The following NFASC variants were observed in gnomAD, a reference collection of about 807,000 sequenced individuals.
NFASC encodes the protein neurofascin, also known as neurofascin homolog.
Under a neutral mutation model 147.5 loss-of-function variants are expected in NFASC, and 43 were observed. That is an observed-to-expected ratio of 0.29 (90% CI 0.23 to 0.38). The LOEUF is 0.38. Ranked by LOEUF, NFASC falls within the 10% of genes least tolerant of loss-of-function variation. The pLI, the probability that NFASC is intolerant of heterozygous loss-of-function variation, is 1.00. For missense variants in NFASC, 1,320 were observed against 1,689.0 expected, an observed-to-expected ratio of 0.78 and a Z score of 3.83; for synonymous variants, 622 against 665.5, an observed-to-expected ratio of 0.93 and a Z score of 1.01.
Position 204,951,641 on chromosome 1 carries a change from T to G in NFASC, c.110-370T>G, listed in dbSNP as rs181487296. On this transcript the variant is annotated intron_variant, in intron 4 of 29. Coordinates refer to ENST00000339876, the MANE Select transcript of NFASC (RefSeq NM_001005388.3). The stretch of plus-strand genomic sequence containing the variant: ...CCTCCACCACGCCCGGCTAATTTTT[T>G]GTATTTTTTAGTAGAGACGGGGTTT... 3.0e-3 allele frequency among the ~76,000 whole-genome samples: 455 copies of G among 152,040 alleles called. 1 individual carries two copies. Among genetic ancestry groups the G allele is most frequent in the African/African-American group, 0.01 (429 of 41,484 alleles).
chr1:204,944,449 G>C (rs567100091), intron 3 of NFASC, 43 bp downstream of exon 3: 1 of 1,366,996 alleles, frequency 7.3e-7, no homozygotes, highest in Admixed American at 2.3e-5. Flanking sequence ...TCCTGATTTT[G>C]GGCAGAGGGG....
chr1:204,987,563 T>G lies in NFASC; in HGVS notation c.2593+23T>G. ...CCTGTACGTTCTGCCCTTCCCTTTC[T>G]CTTAGATAATCTGGGAACCAGAAAC... On this transcript the variant is annotated intron_variant, in intron 22 of 29. Transcript: ENST00000339876. The surrounding 1 kb of genome is among the most constrained non-coding windows in gnomAD (Gnocchi z 4.4). 6.2e-7 allele frequency: 1 copy of G among 1,613,252 alleles called. No homozygotes were observed. Among genetic ancestry groups the G allele is most frequent in the South Asian group, 1.1e-5 (1 of 90,998 alleles).
chr1:204,937,442 C>T (rs922053608), intron 2 of NFASC, among the ~76,000 whole-genome samples: 2 of 152,212 alleles, frequency 1.3e-5, no homozygotes, highest in African/African-American at 4.8e-5. Context: ...AAACACCCTC[C>T]TCTGTGCTCT....
chr1:204,973,508 C>T, intron 12 of NFASC, 89 bp downstream of exon 12: 2 of 1,499,060 alleles, frequency 1.3e-6, no homozygotes, highest in Non-Finnish European at 1.8e-6. Flanking sequence ...GGCACACTTT[C>T]TTCTCCGGGG....
chr1:204,881,220 T>G (rs961032376), intron 1 of NFASC, among the ~76,000 whole-genome samples: 3 of 152,152 alleles, frequency 2.0e-5, no homozygotes, highest in Non-Finnish European at 4.4e-5. Flanking sequence ...GACCCCAGGT[T>G]GACCAGCAGA....
At chr1:204,841,063 C>T (rs980393373) in intron 1 of NFASC, among the ~76,000 whole-genome samples, 2 of 152,220 alleles carry the variant, frequency 1.3e-5, no homozygotes, top group Non-Finnish European at 2.9e-5. Flanking sequence ...CTCTGACTCA[C>T]GTCCTAACGA....
chr1:204,962,240 A>G (rs1405584839), intron 8 of NFASC: 1 of 1,205,242 alleles, frequency 8.3e-7, no homozygotes, highest in Non-Finnish European at 1.2e-6. Flanking sequence ...CACGTCATTA[A>G]CTCCTGCTGG....
At chr1:204,998,674 C>G (rs1176004321) in intron 25 of NFASC, 1 of 152,164 alleles carries the variant, frequency 6.6e-6, no homozygotes, top group African/African-American at 2.4e-5. Context: ...TAGAAGCTGC[C>G]ACCAGCGGGT....
rs781224847 is a variant in NFASC, at chr1:204,988,708, C to T, written c.2669C>T (p.Thr890Met). 7.4e-6 allele frequency: 12 copies of T among 1,614,042 alleles called. No individual in the cohort carries two copies. Among genetic ancestry groups the T allele is most frequent in the African/African-American group, 4.0e-5 (3 of 74,932 alleles). ...CAGACCAAGTTCACGGTGCAAAGAA[C>T]GGACCCCGTGTCACGCTACCGCTTT... ...PNQTKFTVQR[T>M]DPVSRYRFTL... The change falls in exon 23 of 30, where the codon ACG becomes ATG. Residue 890 changes from threonine (T) to methionine (M), a missense_variant. By Grantham distance (81) the Thr-to-Met change is moderately conservative. This residue lies in a region of NFASC where 981 missense variants were observed against 1,289.5 expected (regional missense o/e 0.76). Coordinates refer to ENST00000339876, the MANE Select transcript of NFASC (RefSeq NM_001005388.3).
At chr1:204,862,612 C>T (rs916368575) in intron 1 of NFASC, among the ~76,000 whole-genome samples, 3 of 152,172 alleles carry the variant, frequency 2.0e-5, no homozygotes, top group Non-Finnish European at 4.4e-5. Flanking sequence ...GGATGGTTAA[C>T]ACAAAATAGT....
chr1:204,845,423 A>C (rs1676720475), intron 1 of NFASC, among the ~76,000 whole-genome samples: 1 of 151,960 alleles, frequency 6.6e-6, no homozygotes, highest in African/African-American at 2.4e-5. Flanking sequence ...GTGCCACTGC[A>C]CTCCAGCCTG....
chr1:204,997,381 C>T lies in NFASC; in HGVS notation c.2994C>T (p.Thr998=), dbSNP rs187968555. Residue 998 remains threonine, a synonymous_variant, in exon 25 of 30, where the codon ACC becomes ACT. Transcript: ENST00000339876. ...CCACGGAGAGTCCTCCCACCACCAC[C>T]TCCGGGACTAAGATACACGAATCCG... The part of the protein sequence containing the change: ...TTTTESPPTT[T]SGTKIHESAP... 3.9e-6 allele frequency: 6 copies of T among 1,552,940 alleles called. No individual in the cohort carries two copies. Among genetic ancestry groups the T allele is most frequent in the Admixed American group, 2.0e-5 (1 of 51,046 alleles).
At chr1:204,988,501 A>G in intron 22 of NFASC, 132 bp from the exon 23 acceptor site, 1 of 784,164 alleles carries the variant, frequency 1.3e-6, no homozygotes, top group Non-Finnish European at 2.1e-6. Context: ...CAAGCCTTTA[A>G]GATCACCAGG....
intron 8 of NFASC, among the ~76,000 whole-genome samples, chr1:204,964,070 G>C (rs573439722): frequency 6.6e-6 from 1 of 152,242 alleles, no homozygotes; most frequent in Non-Finnish European, 1.5e-5. Flanking sequence ...CAGGTGAGGA[G>C]ACCAAGTGGT....
Position 204,944,292 on chromosome 1 carries a change from A to G in NFASC, c.-24A>G. 3 of 1,611,092 alleles carry G rather than the reference A, an allele frequency of 1.9e-6. No homozygotes were observed. The highest frequency in any genetic ancestry group is 2.5e-6 in the Non-Finnish European group (3 of 1,178,998). ...GACAAGACCCCGAGTGCTGGGGAGC[A>G]GGGAGCAGGGCCAGGTGCCGAGGAT... On this transcript the variant is annotated 5_prime_UTR_variant, in exon 3 of 30. Transcript: ENST00000339876.
At position 204,979,554 on chromosome 1, in the gene NFASC, G is replaced by C; in HGVS notation, c.2171G>C (p.Gly724Ala). Residue 724 changes from glycine to alanine, a missense_variant, in exon 19 of 30, where the codon GGA (glycine) becomes GCA (alanine). Coordinates refer to ENST00000339876, the MANE Select transcript of NFASC (RefSeq NM_001005388.3). This position sits in a 1 kb window ranked among gnomAD's most constrained non-coding sequence, Gnocchi z 6.0. ...CCATCCGAGCGCTACCGAACCAGTG[G>C]AGCACGTGAGTACCCGAGGGCTGCC... ...SLPSERYRTS[G>A]APPESNPGDV... 6.2e-7 allele frequency: 1 copy of C among 1,613,664 alleles called. No individual in the cohort carries two copies. Among genetic ancestry groups the C allele is most frequent in the Non-Finnish European group, 8.5e-7 (1 of 1,180,004 alleles).
chr1:204,841,891 A>C (rs1281692157), intron 1 of NFASC, among the ~76,000 whole-genome samples: 8 of 152,156 alleles, frequency 5.3e-5, no homozygotes, highest in African/African-American at 1.9e-4. Context: ...CTTTGGCTTC[A>C]GCTGTGATGC....
At chr1:204,859,419 G>A (rs896492651) in intron 1 of NFASC, among the ~76,000 whole-genome samples, 1 of 152,232 alleles carries the variant, frequency 6.6e-6, no homozygotes, top group African/African-American at 2.4e-5. Flanking sequence ...GTCCTCAGTG[G>A]ATGGGAAGAT....
chr1:204,847,008 G>A (rs530722472), intron 1 of NFASC, among the ~76,000 whole-genome samples: 2 of 151,396 alleles, frequency 1.3e-5, no homozygotes, highest in Non-Finnish European at 2.9e-5. Flanking sequence ...AGAAAAGAAG[G>A]TGTTAAGCCT....
Sources: allele counts gnomAD v4.1 joint callset (sites outside exome capture counted in the v4.1 genomes callset), GRCh38; gene constraint gnomAD v4.1.1; regional missense constraint gnomAD v4.1.1; non-coding constraint Gnocchi (gnomAD v3.1); transcripts MANE v1.5; gene names NCBI Gene and HGNC (gene_info 2026-07-23, HGNC 2026-07-21).